USO1: variants seen among roughly 807,000 people sequenced by gnomAD.
USO1 encodes USO1 vesicle transport factor, also known as general vesicular transport factor p115.
Under a neutral mutation model 124.5 loss-of-function variants are expected in USO1, and 57 were observed. That is an observed-to-expected ratio of 0.46 (90% CI 0.37 to 0.57). USO1 has a LOEUF of 0.57. Among genes scored for constraint, USO1 ranks in the 20% least tolerant of loss-of-function variants. The probability of loss-of-function intolerance (pLI) is 0.00; values close to 1 mark genes in which losing one functional copy is unlikely to be tolerated. For synonymous variants in USO1, 369 were observed against 362.8 expected (o/e 1.02, Z -0.19); for missense variants, 900 against 1,040.6 (o/e 0.86, Z 1.86).
rs115264193 is a variant in USO1 at position 75,799,922 on chromosome 4, G to A, written c.1563+190G>A. ...GTGTGTGTGTGGTTTGTTTTATGCC[G>A]GGTTGGAATATATATATGAAATTTC... On this transcript the variant is annotated intron_variant, in intron 14 of 23. Transcript: ENST00000514213. Among the ~76,000 whole-genome samples, 2,244 of 151,742 alleles carry A rather than the reference G, an allele frequency of 0.015. 55 individuals carry two copies. The highest frequency in any genetic ancestry group is 0.051 in the African/African-American group (2,124 of 41,384).
At chr4:75,727,824 A>G (rs1192033487) in intron 1 of USO1, among the ~76,000 whole-genome samples, 1 of 151,958 alleles carries the variant, frequency 6.6e-6, no homozygotes, top group Non-Finnish European at 1.5e-5. Flanking sequence ...TAGACCTGTT[A>G]TTTAAATTCA....
At chr4:75,805,358 C>A in intron 19 of USO1, 55 bp downstream of exon 19, 1 of 1,455,218 alleles carries the variant, frequency 6.9e-7, no homozygotes, top group Non-Finnish European at 9.0e-7. Flanking sequence ...TTCTCATTAT[C>A]CTGCCTTTTT....
chr4:75,790,758 G>A lies in USO1; in HGVS notation c.1201G>A (p.Gly401Arg). The A allele has an allele frequency of 6.2e-7, 1 of 1,612,636 alleles. No individual in the cohort carries two copies. Among genetic ancestry groups the A allele is most frequent in the Non-Finnish European group, 8.5e-7 (1 of 1,179,238 alleles). ...CFLYKNQKGQ[G>R]EIVSTLLPST... is the part of the protein sequence containing the mutation. ...CTTGTATAAAAACCAAAAAGGACAA[G>A]GAGAAATCGTGTCAACACTTTTACC... Residue 401 changes from glycine to arginine, a missense_variant, in exon 12 of 24, where the codon GGA (glycine) becomes AGA (arginine). Gly to Arg is a moderately radical substitution (Grantham distance 125, BLOSUM62 -2). Around this residue, in one of 2 missense-constraint regions of USO1, gnomAD observed 538 missense variants for 681.6 expected, o/e 0.79. Transcript: ENST00000514213.
Position 75,804,120 on chromosome 4 carries a change from G to A in USO1, c.1987-14G>A, listed in dbSNP as rs1722927356. 1 of 1,610,796 alleles carries A rather than the reference G, an allele frequency of 6.2e-7. No individual in the cohort carries two copies. The highest frequency in any genetic ancestry group is 1.1e-5 in the South Asian group (1 of 90,478). ...TATGACTTTAAAACACATGAATTAT[G>A]TTTTGTTTCACAGGATCTCCAACTT... On this transcript the variant is annotated splice_polypyrimidine_tract_variant and intron_variant, in intron 17 of 23. Transcript: ENST00000514213.
At chr4:75,763,880 A>G (rs1721692743) in intron 4 of USO1, among the ~76,000 whole-genome samples, 1 of 152,170 alleles carries the variant, frequency 6.6e-6, no homozygotes, top group Non-Finnish European at 1.5e-5. Context: ...ACTTTTAGAT[A>G]TTAGTGTAGT....
At chr4:75,803,419 C>T (rs1012856196) in intron 17 of USO1, among the ~76,000 whole-genome samples, 2 of 151,564 alleles carry the variant, frequency 1.3e-5, no homozygotes, top group African/African-American at 2.4e-5. Flanking sequence ...AGGCTGAGAC[C>T]GGTGGATCAC....
intron 1 of USO1, among the ~76,000 whole-genome samples, chr4:75,736,594 C>T (rs532025750): frequency 2.6e-5 from 4 of 152,064 alleles, no homozygotes; most frequent in South Asian, 4.1e-4. Context: ...TGGGCCACCG[C>T]GCCTGGCCAG....
chr4:75,788,171 ATTTTTTTTT>A (rs11291010), intron 10 of USO1, among the ~76,000 whole-genome samples: 1 of 123,246 alleles, frequency 8.1e-6, no homozygotes, highest in Non-Finnish European at 1.7e-5. Context: ...TTATTTATTT[ATTTTTTTTT>A]TTTTTTGTAC....
intron 1 of USO1, among the ~76,000 whole-genome samples, chr4:75,731,728 AAAATT>A (rs539259863): frequency 1.1e-3 from 169 of 152,336 alleles, no homozygotes; most frequent in African/African-American, 3.8e-3. Flanking sequence ...ATTATATCAT[AAAATT>A]AAATCAATAT....
chr4:75,805,353 A>G lies in USO1; in HGVS notation c.2289+50A>G, dbSNP rs375226762. 306 of 1,462,642 alleles carry G rather than the reference A, an allele frequency of 2.1e-4. 1 individual carries two copies. Among genetic ancestry groups the G allele is most frequent in the Non-Finnish European group, 2.6e-4 (292 of 1,110,124 alleles). The allele number at this position is 1,462,642 out of a possible 1,614,324, so 90.6% of individuals were successfully genotyped here. A position where few individuals can be genotyped will look rare whatever the true frequency, so the allele number is the denominator to read the frequency against. On this transcript the variant is annotated intron_variant, in intron 19 of 23. Transcript: ENST00000514213. ...AAATAAGAGTTCAAGAGTGGTTCTC[A>G]TTATCCTGCCTTTTTTTTTTTTCCT...
intron 21 of USO1, among the ~76,000 whole-genome samples, chr4:75,809,599 A>G (rs577302100): frequency 6.6e-6 from 1 of 152,324 alleles, no homozygotes; most frequent in Non-Finnish European, 1.5e-5. Flanking sequence ...CTGCAACACT[A>G]TTTGGCCAAG....
chr4:75,729,737 A>C (rs75595227), intron 1 of USO1, among the ~76,000 whole-genome samples: 4,225 of 152,286 alleles, frequency 0.028, 80 homozygotes, highest in Non-Finnish European at 0.042. Flanking sequence ...TCTGTTCTCA[A>C]GTTGGACCCC....
intron 17 of USO1, among the ~76,000 whole-genome samples, chr4:75,802,259 A>G (rs369975827): frequency 2.0e-5 from 3 of 152,200 alleles, no homozygotes; most frequent in Non-Finnish European, 4.4e-5. Context: ...CAAACTACCT[A>G]TGGTTATTAG....
At chr4:75,808,927 A>G (rs1334635579) in intron 20 of USO1, 26 bp from the exon 21 acceptor site, 3 of 1,566,136 alleles carry the variant, frequency 1.9e-6, no homozygotes, top group Non-Finnish European at 1.7e-6. Flanking sequence ...ATTTAATGTT[A>G]TGACTCAACT....
intron 20 of USO1, 22 bp downstream of exon 20, chr4:75,806,594 A>G (rs375079635): frequency 3.2e-6 from 5 of 1,549,016 alleles, no homozygotes; most frequent in Non-Finnish European, 3.5e-6. Flanking sequence ...CTTTGATCCA[A>G]TTCTACTTTG....
chr4:75,790,111 A>T (rs1204408900), intron 10 of USO1, 39 bp from the exon 11 acceptor site: 2 of 1,499,856 alleles, frequency 1.3e-6, no homozygotes, highest in Non-Finnish European at 1.8e-6. Flanking sequence ...TCTTGACTTA[A>T]TTTCTCTAAA....
rs533041107 is a variant in USO1, at chr4:75,796,341, C to CTTTTTTTTTTTTTTTTTTTTTTTTTTTT, written c.1452+2452_1452+2453insTTTTTTTTTTTTTTTTTTTTTTTTTTTT. ...TAATCCCAGAAAGTTCCATCATGCTCTTTTTTTTTTTTGAGACGGAGTCTC... is the reference window on the plus strand; with the variant it reads ...TAATCCCAGAAAGTTCCATCATGCTCTTTTTTTTTTTTTTTTTTTTTTTTTTTTTTTTTTTTTTTTGAGACGGAGTCTC... On this transcript the variant is annotated intron_variant, in intron 13 of 23. Transcript: ENST00000514213. Among the ~76,000 whole-genome samples the CTTTTTTTTTTTTTTTTTTTTTTTTTTTT allele has an allele frequency of 3.9e-5, 4 of 102,064 alleles. 1 individual carries two copies. 67.0% of individuals were successfully genotyped at this position (102,064 alleles called of 152,430 possible).
intron 8 of USO1, among the ~76,000 whole-genome samples, chr4:75,776,003 T>C (rs1023523911): frequency 6.6e-6 from 1 of 152,122 alleles, no homozygotes; most frequent in African/African-American, 2.4e-5. Flanking sequence ...GCTGTTGAAA[T>C]TAAAATTAAG....
chr4:75,738,939 A>G (rs2149142428), intron 1 of USO1, among the ~76,000 whole-genome samples: 1 of 151,998 alleles, frequency 6.6e-6, no homozygotes, highest in South Asian at 2.1e-4. Context: ...TGCAACCTCC[A>G]CTTCCCGGGT....
Sources: gnomAD v4.1 joint callset for allele counts (sites outside exome capture counted in the v4.1 genomes callset) on GRCh38, gnomAD v4.1.1 for gene constraint, gnomAD v4.1.1 regional missense constraint, MANE v1.5 for transcripts, NCBI Gene and HGNC (gene_info 2026-07-23, HGNC 2026-07-21) for gene names.